The following SWAP70 variants were observed in gnomAD, a reference collection of about 807,000 sequenced individuals.
SWAP70 encodes the protein switch-associated protein 70.
In SWAP70, 34 loss-of-function variants were observed where a neutral mutation model predicts 80.2. The ratio of observed to expected loss-of-function variants is 0.42; its 90% CI spans 0.32 to 0.56. The LOEUF is 0.56. SWAP70 is among the 20% of genes least tolerant of loss of function. The probability of loss-of-function intolerance (pLI) is 0.09; values close to 1 mark genes in which losing one functional copy is unlikely to be tolerated. For missense variants in SWAP70, 578 were observed against 690.7 expected (o/e 0.84, Z 1.83); for synonymous variants, 239 against 238.5 (o/e 1.00, Z -0.02).
chr11:9,681,776 C>T (rs1227927619), intron 1 of SWAP70, among the ~76,000 whole-genome samples: 1 of 152,162 alleles, frequency 6.6e-6, no homozygotes, highest in African/African-American at 2.4e-5. Flanking sequence ...GGGGTGAGGA[C>T]ATGAGGAGTT....
At chr11:9,741,149 T>A (rs148216250) in intron 9 of SWAP70, 193 of 152,276 alleles carry the variant, frequency 1.3e-3, no homozygotes, top group African/African-American at 4.2e-3. Flanking sequence ...TAGGGTAGAT[T>A]TTCCATGGCT....
chr11:9,731,121 T>C (rs931708385), intron 6 of SWAP70, among the ~76,000 whole-genome samples: 2 of 152,248 alleles, frequency 1.3e-5, no homozygotes, highest in Non-Finnish European at 2.9e-5. Context: ...TGTTCTTTTT[T>C]ATGGCTCCGT....
chr11:9,730,928 G>T (rs371573683), intron 6 of SWAP70, among the ~76,000 whole-genome samples: 22 of 152,118 alleles, frequency 1.4e-4, no homozygotes, highest in African/African-American at 5.1e-4. Flanking sequence ...CTCTTCCCCC[G>T]TCTCTACCTC....
At chr11:9,714,114 G>T (rs1851034741) in intron 3 of SWAP70, among the ~76,000 whole-genome samples, 1 of 152,102 alleles carries the variant, frequency 6.6e-6, no homozygotes, top group Admixed American at 6.5e-5. Context: ...TGCTTGCTTT[G>T]TTATTTTCCC....
intron 9 of SWAP70, among the ~76,000 whole-genome samples, chr11:9,744,277 A>T (rs560045034): frequency 6.6e-6 from 1 of 152,290 alleles, no homozygotes; most frequent in Admixed American, 6.5e-5. Context: ...TTGTAATTTT[A>T]AAAATTACGA....
chr11:9,706,452 T>A (rs982796232), intron 2 of SWAP70, among the ~76,000 whole-genome samples: 1 of 152,186 alleles, frequency 6.6e-6, no homozygotes, highest in African/African-American at 2.4e-5. Context: ...ATAATATTTG[T>A]AGGATATATG....
chr11:9,734,309 G>A (rs975036785), intron 7 of SWAP70, among the ~76,000 whole-genome samples: 16 of 152,078 alleles, frequency 1.1e-4, no homozygotes, highest in African/African-American at 2.9e-4. Context: ...TTTTAAGACC[G>A]CATTCTTTGA....
At position 9,694,960 on chromosome 11, in the gene SWAP70, A is replaced by G. The variant is rs1216464371; in HGVS notation, c.240+674A>G. 1.7e-4 allele frequency among the ~76,000 whole-genome samples: 26 copies of G among 152,202 alleles called. 1 individual carries two copies. The highest frequency in any genetic ancestry group is 1.7e-3 in the Admixed American group (26 of 15,280). ...TGACCCAGCAATTGCATTACTGGGT[A>G]TATACCCAAAGGAATAGAAATCATT... is the stretch of plus-strand genomic sequence containing the variant. On this transcript the variant is annotated intron_variant, in intron 2 of 11. Coordinates refer to ENST00000318950, the MANE Select transcript of SWAP70 (RefSeq NM_015055.4).
At chr11:9,699,971 G>T (rs766871642) in intron 2 of SWAP70, among the ~76,000 whole-genome samples, 1 of 151,468 alleles carries the variant, frequency 6.6e-6, no homozygotes, top group South Asian at 2.1e-4. Context: ...TCAGAAATTC[G>T]AATTTGTTTT....
At chr11:9,725,546 TATATATATATATATATATATATA>T (rs1343248572) in intron 4 of SWAP70, among the ~76,000 whole-genome samples, 11 of 9,318 alleles carry the variant, frequency 1.2e-3, no homozygotes, top group African/African-American at 2.6e-3. Flanking sequence ...TATATATATA[TATATATATATATATATATATATA>T]TTTTTTTTTT....
At chr11:9,694,512 T>C (rs1850731716) in intron 2 of SWAP70, among the ~76,000 whole-genome samples, 1 of 152,206 alleles carries the variant, frequency 6.6e-6, no homozygotes, top group African/African-American at 2.4e-5. Context: ...GTTCATTCTT[T>C]GAAATTAAGA....
chr11:9,697,793 T>G (rs1850777684), intron 2 of SWAP70, among the ~76,000 whole-genome samples: 1 of 152,158 alleles, frequency 6.6e-6, no homozygotes, highest in Admixed American at 6.5e-5. Context: ...TGTTTTTTGG[T>G]TTTTTGAGAC....
intron 1 of SWAP70, among the ~76,000 whole-genome samples, chr11:9,665,484 C>A (rs527959663): frequency 6.6e-6 from 1 of 152,290 alleles, no homozygotes; most frequent in East Asian, 1.9e-4. Flanking sequence ...ATATAACTAT[C>A]ACCACAACCA....
intron 9 of SWAP70, among the ~76,000 whole-genome samples, chr11:9,746,373 G>T (rs1851512716): frequency 6.6e-6 from 1 of 152,092 alleles, no homozygotes; most frequent in African/African-American, 2.4e-5. Flanking sequence ...TTTACCACTA[G>T]AATGAAAAAA....
chr11:9,699,648 A>G (rs554639563), intron 2 of SWAP70, among the ~76,000 whole-genome samples: 4 of 152,202 alleles, frequency 2.6e-5, no homozygotes, highest in South Asian at 2.1e-4. Context: ...TGAGCCCAGG[A>G]GTTCAAGACC....
At chr11:9,712,092 T>G (rs1446227492) in intron 2 of SWAP70, among the ~76,000 whole-genome samples, 1 of 152,134 alleles carries the variant, frequency 6.6e-6, no homozygotes, top group Non-Finnish European at 1.5e-5. Context: ...TGCGAATCTT[T>G]CCCCAGATGT....
intron 8 of SWAP70, among the ~76,000 whole-genome samples, 156 bp from the exon 9 acceptor site, chr11:9,740,025 C>T (rs531747896): frequency 6.6e-6 from 1 of 152,318 alleles, no homozygotes; most frequent in African/African-American, 2.4e-5. Context: ...GTGGTACCCT[C>T]ATCTCCTCCA....
chr11:9,720,127 T>A, intron 3 of SWAP70: 1 of 985,276 alleles, frequency 1.0e-6, no homozygotes. Flanking sequence ...TTAGTATAAT[T>A]GAATAGTGGA....
At chr11:9,665,379 C>T (rs1227254980) in intron 1 of SWAP70, among the ~76,000 whole-genome samples, 1 of 152,090 alleles carries the variant, frequency 6.6e-6, no homozygotes, top group Non-Finnish European at 1.5e-5. Flanking sequence ...AGATCATCCA[C>T]GTAATTTTTA....
Sources: gnomAD v4.1 joint callset for allele counts (sites outside exome capture counted in the v4.1 genomes callset) on GRCh38, gnomAD v4.1.1 for gene constraint, MANE v1.5 for transcripts, NCBI Gene and HGNC (gene_info 2026-07-23, HGNC 2026-07-21) for gene names.